Variants in GALNT5 observed in about 807,000 individuals in gnomAD.
The protein encoded by GALNT5 is polypeptide N-acetylgalactosaminyltransferase 5, also known as UDP-GalNAc:polypeptide N-acetylgalactosaminyltransferase 5.
GALNT5 carries 72 observed loss-of-function variants against 85.4 expected under a neutral mutation model. That is an observed-to-expected ratio of 0.84 (90% CI 0.70 to 1.03). GALNT5 has a LOEUF of 1.03. Among genes scored for constraint, GALNT5 ranks in the 50% least tolerant of loss-of-function variants. The pLI is 0.00. For synonymous variants in GALNT5, 404 were observed against 397.0 expected, an observed-to-expected ratio of 1.02 and a Z score of -0.21; for missense variants, 1,137 against 1,135.5, an observed-to-expected ratio of 1.00 and a Z score of -0.02.
chr2:157,286,243 T>A, intron 3 of GALNT5, 109 bp downstream of exon 3: 1 of 793,766 alleles, frequency 1.3e-6, no homozygotes, highest in Non-Finnish European at 2.0e-6. Context: ...TATATATGCA[T>A]CACTTAGTTC....
intron 5 of GALNT5, chr2:157,299,268 AGT>A (rs1252810518): frequency 1.1e-5 from 3 of 270,444 alleles, no homozygotes; most frequent in Non-Finnish European, 1.4e-5. Context: ...GCCCTGAATA[AGT>A]GTTAAAAATA....
chr2:157,259,437 A>G lies in GALNT5; in HGVS notation c.1355A>G (p.Glu452Gly). Residue 452 changes from glutamate to glycine, a missense_variant, in exon 1 of 10, where the codon GAG becomes GGG. By Grantham distance (98) the Glu-to-Gly change is moderately conservative (BLOSUM62 -2). Coordinates refer to ENST00000259056, the MANE Select transcript of GALNT5 (RefSeq NM_014568.3). ...CCTGTAGTTGTCCCCCATGGAAAGG[A>G]GAAGGAGGCAGAAAGAAGATGGAAA... ...GRPVVVPHGKEKEAERRWKEG... is the reference protein window; with the variant it reads ...GRPVVVPHGKGKEAERRWKEG... The G allele has an allele frequency of 6.8e-7, 1 of 1,470,406 alleles. No homozygotes were observed. Among genetic ancestry groups the G allele is most frequent in the Non-Finnish European group, 9.0e-7 (1 of 1,109,658 alleles). 91.1% of individuals were successfully genotyped at this position (1,470,406 alleles called of 1,614,324 possible).
At position 157,263,777 on chromosome 2, in the gene GALNT5, T is replaced by C. The variant is rs1157634009; in HGVS notation, c.1454+4241T>C. 5.3e-5 allele frequency among the ~76,000 whole-genome samples: 8 copies of C among 152,244 alleles called. No individual in the cohort carries two copies. The East Asian group carries it at 1.5e-3, about 29-fold the overall frequency. On this transcript the variant is annotated intron_variant, in intron 1 of 9. Transcript: ENST00000259056. Reference sequence around the variant, plus strand: ...AAATGAAACCTGCAGCAAGTCTGTTTATAAATTAATAATGACTTCTTAATT... The same window carrying C: ...AAATGAAACCTGCAGCAAGTCTGTTCATAAATTAATAATGACTTCTTAATT...
intron 3 of GALNT5, among the ~76,000 whole-genome samples, chr2:157,291,545 C>T (rs1683097513): frequency 6.6e-6 from 1 of 152,032 alleles, no homozygotes; most frequent in African/African-American, 2.4e-5. Flanking sequence ...AGCAATATTC[C>T]AGGCTGGTAC....
At chr2:157,295,847 C>T (rs369558613) in intron 4 of GALNT5, 49 bp downstream of exon 4, 12 of 1,445,958 alleles carry the variant, frequency 8.3e-6, no homozygotes, top group Non-Finnish European at 7.7e-6. Flanking sequence ...TCTTTAATCA[C>T]AAGCAGCAGA....
intron 1 of GALNT5, among the ~76,000 whole-genome samples, chr2:157,269,406 T>A (rs1300408971): frequency 6.6e-6 from 1 of 152,220 alleles, no homozygotes; most frequent in Non-Finnish European, 1.5e-5. Flanking sequence ...CTCTTTCCCA[T>A]CCTGTAATAT....
In GALNT5 at chr2:157,312,882, T is replaced by C. The variant is rs1683606693; in HGVS notation, c.*1534T>C. 1 of 152,162 alleles carries C rather than the reference T, an allele frequency of 6.6e-6. No individual in the cohort carries two copies. Among genetic ancestry groups the C allele is most frequent in the Non-Finnish European group, 1.5e-5 (1 of 68,002 alleles). The allele number at this position is 152,162 out of a possible 1,614,324, so 9.4% of individuals were successfully genotyped here. ...ATTCTTGTTAATATGTTTTTTCTTTTTTTAAATTTAAACTTTTGTTCAGTT... is the reference window on the plus strand; with the variant it reads ...ATTCTTGTTAATATGTTTTTTCTTTCTTTAAATTTAAACTTTTGTTCAGTT... On this transcript the variant is annotated 3_prime_UTR_variant, in exon 10 of 10. Coordinates refer to ENST00000259056, the MANE Select transcript of GALNT5 (RefSeq NM_014568.3).
At chr2:157,278,171 G>A (rs916595879) in intron 1 of GALNT5, among the ~76,000 whole-genome samples, 4 of 152,218 alleles carry the variant, frequency 2.6e-5, no homozygotes, top group African/African-American at 9.6e-5. Context: ...CTGGCTTGTA[G>A]AGTTTCTGCC....
intron 1 of GALNT5, 36 bp downstream of exon 1, chr2:157,259,572 A>G: frequency 7.7e-7 from 1 of 1,305,582 alleles, no homozygotes; most frequent in South Asian, 3.2e-5. Context: ...CTCAACCCCA[A>G]GTGCTTTGGC....
chr2:157,305,111 A>G (rs1426967705), intron 7 of GALNT5, among the ~76,000 whole-genome samples: 1 of 152,178 alleles, frequency 6.6e-6, no homozygotes, highest in African/African-American at 2.4e-5. Context: ...TTCTGCATTA[A>G]ATGGTGACTT....
chr2:157,275,825 C>T (rs907026755), intron 1 of GALNT5, among the ~76,000 whole-genome samples: 1 of 152,170 alleles, frequency 6.6e-6, no homozygotes, highest in Non-Finnish European at 1.5e-5. Context: ...ATTTCTTTCT[C>T]TTGCCAGATT....
intron 1 of GALNT5, among the ~76,000 whole-genome samples, chr2:157,266,262 A>T (rs1362904521): frequency 6.6e-6 from 1 of 151,762 alleles, no homozygotes; most frequent in South Asian, 2.1e-4. Context: ...ATGAGGGGGG[A>T]AAAAAGAGCA....
chr2:157,275,628 T>C (rs1682706830), intron 1 of GALNT5, among the ~76,000 whole-genome samples: 1 of 152,218 alleles, frequency 6.6e-6, no homozygotes, highest in African/African-American at 2.4e-5. Context: ...TTTCTGTTTG[T>C]CTGCTATTCG....
At chr2:157,303,691 A>G (rs1427985976) in intron 7 of GALNT5, among the ~76,000 whole-genome samples, 1 of 152,198 alleles carries the variant, frequency 6.6e-6, no homozygotes, top group Non-Finnish European at 1.5e-5. Context: ...CCTCAATTAA[A>G]TAGTTTCCTC....
At chr2:157,301,420 T>G in intron 7 of GALNT5, 1 of 209,628 alleles carries the variant, frequency 4.8e-6, no homozygotes, top group Non-Finnish European at 9.7e-6. Flanking sequence ...GGCTGAGAAA[T>G]CCTCTCTGAG....
chr2:157,286,413 T>G (rs934789565), intron 3 of GALNT5, among the ~76,000 whole-genome samples: 17 of 152,186 alleles, frequency 1.1e-4, no homozygotes, highest in Non-Finnish European at 2.2e-4. Flanking sequence ...AACAGAAGCA[T>G]TCTCTTAAAT....
chr2:157,281,768 T>C (rs931413790), intron 1 of GALNT5, among the ~76,000 whole-genome samples: 1 of 152,162 alleles, frequency 6.6e-6, no homozygotes, highest in Non-Finnish European at 1.5e-5. Context: ...AAGAAAATGA[T>C]CCGTGTTACA....
chr2:157,304,369 C>T (rs1683409986), intron 7 of GALNT5, among the ~76,000 whole-genome samples: 1 of 152,204 alleles, frequency 6.6e-6, no homozygotes, highest in Non-Finnish European at 1.5e-5. Context: ...CTGTGCCAGG[C>T]ACCTCAGAAG....
chr2:157,273,850 A>C (rs1464702440), intron 1 of GALNT5, among the ~76,000 whole-genome samples: 3 of 151,678 alleles, frequency 2.0e-5, no homozygotes, highest in Non-Finnish European at 4.4e-5. Flanking sequence ...AAATGTTAAT[A>C]ATATACTTTA....
Sources: gnomAD v4.1 joint callset for allele counts (sites outside exome capture counted in the v4.1 genomes callset) on GRCh38, gnomAD v4.1.1 for gene constraint, MANE v1.5 for transcripts, NCBI Gene and HGNC (gene_info 2026-07-23, HGNC 2026-07-21) for gene names.